Variants in VWDE observed in about 807,000 individuals in gnomAD.
The protein encoded by VWDE is von Willebrand factor D and EGF domain-containing protein.
A neutral mutation model predicts 178.4 loss-of-function variants in VWDE; 207 were observed. The ratio of observed to expected loss-of-function variants is 1.16; its 90% CI spans 1.04 to 1.30. VWDE has a LOEUF of 1.30. VWDE is among the 50% of genes most tolerant of loss of function. VWDE has a pLI of 0.00. For missense variants in VWDE, 2,287 were observed against 1,901.3 expected (o/e 1.20, Z -3.77); for synonymous variants, 738 against 651.4 (o/e 1.13, Z -2.02).
chr7:12,395,249 A>G (rs966314605), intron 1 of VWDE, among the ~76,000 whole-genome samples: 2 of 152,144 alleles, frequency 1.3e-5, no homozygotes, highest in African/African-American at 2.4e-5. Flanking sequence ...CATTTCATCT[A>G]ATTTTAGAAT....
At chr7:12,350,566 C>G (rs542101367) in intron 19 of VWDE, among the ~76,000 whole-genome samples, 227 of 152,172 alleles carry the variant, frequency 1.5e-3, no homozygotes, top group Non-Finnish European at 2.4e-3. Flanking sequence ...AATTCCCATA[C>G]CATTAACAAA....
chr7:12,374,969 T>C, intron 8 of VWDE, 41 bp downstream of exon 8: 1 of 1,515,438 alleles, frequency 6.6e-7, no homozygotes, highest in Non-Finnish European at 8.9e-7. Flanking sequence ...ACATTTCTTC[T>C]TAAAGCTTCA....
At position 12,380,618 on chromosome 7, in the gene VWDE, G is replaced by GT. The variant is rs907015274; in HGVS notation, c.656dup (p.Asn219LysfsTer11). On this transcript the variant is annotated frameshift_variant, in exon 5 of 29. Coordinates refer to ENST00000275358, the MANE Select transcript of VWDE (RefSeq NM_001135924.3). LOFTEE classifies it high-confidence loss of function. ...ACCAAGCTATGTGAAATCCCACTGA[G>GT]TTTTTTGTAGCGGGAACATCAAAAG... The GT allele has an allele frequency of 1.2e-5, 18 of 1,552,162 alleles. No homozygotes were observed. The African/African-American group carries it at 1.9e-4, about 17-fold the overall frequency.
At chr7:12,380,235 A>G (rs554455405) in intron 5 of VWDE, among the ~76,000 whole-genome samples, 1 of 151,460 alleles carries the variant, frequency 6.6e-6, no homozygotes, top group African/African-American at 2.4e-5. Context: ...TATAATAAAT[A>G]TATATATAAA....
intron 5 of VWDE, 56 bp downstream of exon 5, chr7:12,380,430 C>A (rs966799537): frequency 1.3e-6 from 2 of 1,517,202 alleles, no homozygotes; most frequent in South Asian, 2.5e-5. Flanking sequence ...GTTTAAAAAT[C>A]GTGTTTGAAA....
In VWDE at chr7:12,330,990, A is replaced by G. The variant is rs1780686234; in HGVS notation, c.*193T>C. On this transcript the variant is annotated 3_prime_UTR_variant, in exon 29 of 29. Transcript: ENST00000275358. ...CCTATCCCATCTCAACATCAAATTT[A>G]GATTACCTGGATTTCTTCTTTGCTT... 2.0e-6 allele frequency: 1 copy of G among 505,004 alleles called. No individual in the cohort carries two copies. 31.3% of individuals were successfully genotyped at this position (505,004 alleles called of 1,614,324 possible).
chr7:12,391,443 G>C (rs771399764), intron 2 of VWDE, among the ~76,000 whole-genome samples: 6 of 152,220 alleles, frequency 3.9e-5, no homozygotes, highest in Non-Finnish European at 7.3e-5. Flanking sequence ...GCTCAGGTTA[G>C]CTGATCTCCA....
At position 12,377,927 on chromosome 7, in the gene VWDE, T is replaced by A. The variant is rs1005593139; in HGVS notation, c.880-7A>T. The A allele has an allele frequency of 2.9e-6, 4 of 1,378,372 alleles. No homozygotes were observed. The highest frequency in any genetic ancestry group is 2.8e-6 in the Non-Finnish European group (3 of 1,061,716). 85.4% of individuals were successfully genotyped at this position (1,378,372 alleles called of 1,614,324 possible). A position where few individuals can be genotyped will look rare whatever the true frequency, so the allele number is the denominator to read the frequency against. ...TGCTCAATTCAGGCTGTAGCTGGTA[T>A]AAGAAAATACGTAGAAAAATTATGT... On this transcript the variant is annotated splice_polypyrimidine_tract_variant and splice_region_variant and intron_variant, in intron 6 of 28. Coordinates refer to ENST00000275358, the MANE Select transcript of VWDE (RefSeq NM_001135924.3).
chr7:12,352,587 C>T (rs1283340242), intron 18 of VWDE, among the ~76,000 whole-genome samples: 1 of 152,148 alleles, frequency 6.6e-6, no homozygotes, highest in African/African-American at 2.4e-5. Flanking sequence ...AAGAAAACGG[C>T]TAGATCACTT....
chr7:12,380,820 G>C (rs1194158084), intron 4 of VWDE, 87 bp from the exon 5 acceptor site: 1 of 1,437,116 alleles, frequency 7.0e-7, no homozygotes, highest in Non-Finnish European at 9.3e-7. Context: ...CTATAACTCT[G>C]TGGTTTATCT....
intron 1 of VWDE, among the ~76,000 whole-genome samples, chr7:12,395,811 T>C (rs1422108224): frequency 2.0e-5 from 3 of 152,114 alleles, no homozygotes; most frequent in Non-Finnish European, 2.9e-5. Context: ...GAATGCATGA[T>C]ACAGTTAAGT....
At chr7:12,362,944 C>T (rs1051315574) in intron 13 of VWDE, among the ~76,000 whole-genome samples, 2 of 152,010 alleles carry the variant, frequency 1.3e-5, no homozygotes, top group Admixed American at 6.6e-5. Flanking sequence ...TAATGACTGG[C>T]AATATAGAGA....
chr7:12,337,168 AT>A lies in VWDE; in HGVS notation c.4462+8del. ...CTGTAGTTGACAAATACATTTAGTGATGTCTTACTTTTTTGGAATCTCCTAC... is the reference window on the plus strand; with the variant it reads ...CTGTAGTTGACAAATACATTTAGTGAGTCTTACTTTTTTGGAATCTCCTAC... On this transcript the variant is annotated splice_region_variant and intron_variant, in intron 25 of 28. Transcript: ENST00000275358. The A allele has an allele frequency of 6.4e-7, 1 of 1,551,534 alleles. No individual in the cohort carries two copies. The highest frequency in any genetic ancestry group is 8.7e-7 in the Non-Finnish European group (1 of 1,146,808).
chr7:12,344,471 T>A lies in VWDE; in HGVS notation c.3887-2A>T, dbSNP rs907983926. ...TTCCACATGGATATTTACAAATGGC[T>A]AAAAAAAAATCAAAGAAAAAAAGGT... On this transcript the variant is annotated splice_acceptor_variant, in intron 19 of 28. Coordinates refer to ENST00000275358, the MANE Select transcript of VWDE (RefSeq NM_001135924.3). LOFTEE classifies it high-confidence loss of function. The A allele has an allele frequency of 9.2e-6, 14 of 1,529,866 alleles. No individual in the cohort carries two copies. In the Admixed American group the frequency reaches 1.4e-4, roughly 16 times the overall value. 94.8% of individuals were successfully genotyped at this position (1,529,866 alleles called of 1,614,324 possible).
At chr7:12,339,892 G>T (rs536841168) in intron 24 of VWDE, among the ~76,000 whole-genome samples, 2 of 152,054 alleles carry the variant, frequency 1.3e-5, no homozygotes, top group Non-Finnish European at 2.9e-5. Flanking sequence ...CTTGCGTAGC[G>T]CTGTGCACAG....
intron 18 of VWDE, among the ~76,000 whole-genome samples, chr7:12,355,027 A>G (rs1223810921): frequency 6.6e-6 from 1 of 152,216 alleles, no homozygotes; most frequent in Non-Finnish European, 1.5e-5. Context: ...AGCCTTTATT[A>G]TACTAAAATT....
In VWDE at chr7:12,342,147, A is replaced by G. The variant is rs751781765; in HGVS notation, c.4182T>C (p.Cys1394=). 1.3e-6 allele frequency: 2 copies of G among 1,551,338 alleles called. No individual in the cohort carries two copies. The highest frequency in any genetic ancestry group is 2.7e-5 in the African/African-American group (2 of 73,184). ...GGCCTCCATTTTCACAGTGCCTGTT[A>G]CAAACCACTGAGATCATAGAATAAA... is the stretch of plus-strand genomic sequence containing the variant. ...FVGPRCETMV[C]NRHCENGGQC... The change falls in exon 23 of 29, where the codon TGT becomes TGC. Residue 1394 remains cysteine (C), a synonymous_variant. Coordinates refer to ENST00000275358, the MANE Select transcript of VWDE (RefSeq NM_001135924.3).
Position 12,403,663 on chromosome 7 carries a change from C to A in VWDE, c.54G>T (p.Gly18=). 6.5e-7 allele frequency: 1 copy of A among 1,544,366 alleles called. No homozygotes were observed. The highest frequency in any genetic ancestry group is 8.7e-7 in the Non-Finnish European group (1 of 1,145,588). The change falls in exon 1 of 29, where the codon GGG becomes GGT. Residue 18 remains glycine (G), a synonymous_variant. Transcript: ENST00000275358. ...LVIALMFLAW[G]EAQECSPGGH... is the part of the protein sequence containing the mutation. Reference sequence around the variant, plus strand: ...CGCGCGCCCTACCTCGCTTACCTTCCCCCCAGGCCAGGAACATCAGCGCGA... The same window carrying A: ...CGCGCGCCCTACCTCGCTTACCTTCACCCCAGGCCAGGAACATCAGCGCGA...
At chr7:12,334,198 A>T (rs113461146) in intron 27 of VWDE, among the ~76,000 whole-genome samples, 1 of 152,180 alleles carries the variant, frequency 6.6e-6, no homozygotes, top group African/African-American at 2.4e-5. Flanking sequence ...ACTTGTAAAT[A>T]ACTAAAATGT....
Sources: gnomAD v4.1 joint callset for allele counts (sites outside exome capture counted in the v4.1 genomes callset) on GRCh38, gnomAD v4.1.1 for gene constraint, MANE v1.5 for transcripts, NCBI Gene and HGNC (gene_info 2026-07-23, HGNC 2026-07-21) for gene names.